NEDD4: variants seen among roughly 807,000 people sequenced by gnomAD.
NEDD4 encodes the protein NEDD4 E3 ubiquitin protein ligase, also known as E3 ubiquitin-protein ligase NEDD4.
In NEDD4, 99 loss-of-function variants were observed where a neutral mutation model predicts 144.9. The ratio of observed to expected loss-of-function variants is 0.68; its 90% CI spans 0.58 to 0.81. The LOEUF (loss-of-function observed/expected upper bound fraction) is 0.81. Among genes scored for constraint, NEDD4 ranks in the 30% least tolerant of loss-of-function variants. The pLI is 0.00. For synonymous variants in NEDD4, 318 were observed against 350.6 expected (o/e 0.91, Z 1.04); for missense variants, 985 against 1,065.9 (o/e 0.92, Z 1.06).
intron 8 of NEDD4, among the ~76,000 whole-genome samples, chr15:55,864,977 C>T (rs974723760): frequency 6.6e-6 from 1 of 151,724 alleles, no homozygotes; most frequent in Non-Finnish European, 1.5e-5. Context: ...GTGAGGGGGT[C>T]ACTTGAGGTC....
intron 1 of NEDD4, among the ~76,000 whole-genome samples, chr15:55,984,986 G>C (rs1380458020): frequency 6.6e-6 from 1 of 152,326 alleles, no homozygotes; most frequent in South Asian, 2.1e-4. Flanking sequence ...AAATGCTATA[G>C]AATATTTCTG....
rs375051994 is a variant in NEDD4 at position 55,860,497 on chromosome 15, G to A, written c.870C>T (p.Asn290=). 1.2e-5 allele frequency: 19 copies of A among 1,614,018 alleles called. No homozygotes were observed. The highest frequency in any genetic ancestry group is 1.6e-4 in the Middle Eastern group (1 of 6,084). The change falls in exon 11 of 29, where the codon AAC becomes AAT. Residue 290 remains asparagine, a synonymous_variant. Transcript: ENST00000435532. ...QAFPSPPPSS[N]LDVPTHLAEE... is the part of the protein sequence containing the mutation. ...CTGCAAGATGAGTTGGAACATCCAAGTTACTTGACGGTGGAGGTGATGGGA... is the reference window on the plus strand; with the variant it reads ...CTGCAAGATGAGTTGGAACATCCAAATTACTTGACGGTGGAGGTGATGGGA...
chr15:55,957,869 C>T (rs868848102), intron 2 of NEDD4, among the ~76,000 whole-genome samples: 2 of 152,086 alleles, frequency 1.3e-5, no homozygotes, highest in Non-Finnish European at 2.9e-5. Flanking sequence ...AACTATCACA[C>T]GGACAGAAAA....
At chr15:55,894,878 T>C (rs923386394) in intron 5 of NEDD4, among the ~76,000 whole-genome samples, 1 of 152,184 alleles carries the variant, frequency 6.6e-6, no homozygotes, top group African/African-American at 2.4e-5. Flanking sequence ...TATAATTATT[T>C]CTAAAGTTAA....
At chr15:55,864,631 GA>G (rs1302860552) in intron 8 of NEDD4, among the ~76,000 whole-genome samples, 1 of 148,356 alleles carries the variant, frequency 6.7e-6, no homozygotes, top group African/African-American at 2.5e-5. Flanking sequence ...ATGGTGAGCC[GA>G]AATCACGCCA....
chr15:55,841,651 C>T (rs967320584), intron 19 of NEDD4, among the ~76,000 whole-genome samples: 6 of 151,828 alleles, frequency 4.0e-5, no homozygotes, highest in East Asian at 3.9e-4. Flanking sequence ...GGCGTGATCT[C>T]GGCTCCGCCT....
chr15:55,846,038 C>G (rs990741529), intron 18 of NEDD4, among the ~76,000 whole-genome samples: 5 of 152,004 alleles, frequency 3.3e-5, no homozygotes, highest in Admixed American at 6.6e-5. Context: ...CCACCCACCT[C>G]GACCTCCCAA....
At chr15:55,915,558 G>GA (rs747220690) in intron 5 of NEDD4, 2 of 1,613,968 alleles carry the variant, frequency 1.2e-6, no homozygotes, top group Non-Finnish European at 1.7e-6. Context: ...ATTTTGGGAG[G>GA]ATGGCAAACA....
chr15:55,872,065 G>A (rs1566924007), intron 7 of NEDD4, among the ~76,000 whole-genome samples: 1 of 151,982 alleles, frequency 6.6e-6, no homozygotes, highest in Non-Finnish European at 1.5e-5. Flanking sequence ...TTGGCTTTGT[G>A]CACGTCGAGT....
chr15:55,878,000 T>TG (rs1224986540), intron 5 of NEDD4, among the ~76,000 whole-genome samples: 5 of 152,198 alleles, frequency 3.3e-5, no homozygotes, highest in African/African-American at 1.2e-4. Flanking sequence ...TTCTTATCCC[T>TG]GCTCTACAAT....
intron 5 of NEDD4, among the ~76,000 whole-genome samples, chr15:55,921,673 G>C (rs2036571777): frequency 6.6e-6 from 1 of 151,944 alleles, no homozygotes; most frequent in Non-Finnish European, 1.5e-5. Flanking sequence ...TTTTTCATAT[G>C]GTTAAAAGTT....
In NEDD4 at chr15:55,838,131, T is replaced by G; in HGVS notation, c.2177A>C (p.Asn726Thr). ...CTAAATATATTCCTTTTTGTTCTTA[T>G]TGGTGACAACTATTTCTGATCCACC... ...KNGGSEIVVT[N>T]KNKKEYIYLV... is the part of the protein sequence containing the mutation. The change falls in exon 23 of 29, where the codon AAT (asparagine) becomes ACT (threonine). Residue 726 changes from asparagine (N) to threonine (T), a missense_variant. Coordinates refer to ENST00000435532, the MANE Select transcript of NEDD4 (RefSeq NM_006154.4). 1 of 1,588,342 alleles carries G rather than the reference T, an allele frequency of 6.3e-7. No homozygotes were observed. Among genetic ancestry groups the G allele is most frequent in the Non-Finnish European group, 8.6e-7 (1 of 1,162,936 alleles).
chr15:55,845,293 G>A (rs1371939334), intron 18 of NEDD4, among the ~76,000 whole-genome samples: 1 of 152,002 alleles, frequency 6.6e-6, no homozygotes, highest in Non-Finnish European at 1.5e-5. Flanking sequence ...ATGTCATGTT[G>A]CTTAGGAACA....
intron 5 of NEDD4, among the ~76,000 whole-genome samples, chr15:55,904,722 A>G (rs1291907926): frequency 6.6e-6 from 1 of 152,108 alleles, no homozygotes; most frequent in Non-Finnish European, 1.5e-5. Context: ...AGGAAACCAC[A>G]TTTTCTACTT....
intron 1 of NEDD4, among the ~76,000 whole-genome samples, chr15:55,975,104 G>C (rs1319511888): frequency 6.6e-6 from 1 of 151,816 alleles, no homozygotes; most frequent in African/African-American, 2.4e-5. Context: ...CGTTAGCCAG[G>C]CTGGTCTCAA....
intron 5 of NEDD4, chr15:55,917,124 G>C: frequency 8.8e-7 from 1 of 1,141,906 alleles, no homozygotes; most frequent in African/African-American, 1.6e-5. Flanking sequence ...GCTGAGCTCA[G>C]CTGCAGCACA....
intron 5 of NEDD4, among the ~76,000 whole-genome samples, chr15:55,881,615 T>C (rs1284655518): frequency 6.6e-6 from 1 of 152,186 alleles, no homozygotes; most frequent in African/African-American, 2.4e-5. Flanking sequence ...TAACTTAGGT[T>C]TAGGCTTAAT....
intron 1 of NEDD4, among the ~76,000 whole-genome samples, chr15:55,982,304 T>C (rs1294761067): frequency 6.6e-6 from 1 of 152,214 alleles, no homozygotes; most frequent in Non-Finnish European, 1.5e-5. Flanking sequence ...TATACTTTTA[T>C]GAAAAGATTT....
chr15:55,979,556 T>C (rs2037765119), intron 1 of NEDD4, among the ~76,000 whole-genome samples: 1 of 151,336 alleles, frequency 6.6e-6, no homozygotes, highest in African/African-American at 2.4e-5. Context: ...GGTTTCACCT[T>C]GTTAGCCAGG....
Sources: gnomAD v4.1 joint callset for allele counts (sites outside exome capture counted in the v4.1 genomes callset) on GRCh38, gnomAD v4.1.1 for gene constraint, MANE v1.5 for transcripts, NCBI Gene and HGNC (gene_info 2026-07-23, HGNC 2026-07-21) for gene names.